The following CACNA1E variants were observed in gnomAD, a reference collection of about 807,000 sequenced individuals.
The protein encoded by CACNA1E is calcium voltage-gated channel subunit alpha1 E, also known as voltage-dependent R-type calcium channel subunit alpha-1E.
In CACNA1E, 40 loss-of-function variants were observed where a neutral mutation model predicts 259.2. That is an observed-to-expected ratio of 0.15 (90% CI 0.12 to 0.20). CACNA1E has a LOEUF of 0.20. CACNA1E is among the 10% of genes least tolerant of loss of function. The pLI, the probability that CACNA1E is intolerant of heterozygous loss-of-function variation, is 1.00. For synonymous variants in CACNA1E, 1,104 were observed against 1,138.5 expected (o/e 0.97, Z 0.61); for missense variants, 1,874 against 3,040.1 (o/e 0.62, Z 9.02).
At chr1:181,693,997 G>A (rs553696429) in intron 7 of CACNA1E, among the ~76,000 whole-genome samples, 1 of 152,210 alleles carries the variant, frequency 6.6e-6, no homozygotes, top group East Asian at 1.9e-4. Context: ...TATGAGGCAA[G>A]GGGAAAAACA....
At chr1:181,428,868 T>G (rs1294491597) in intron 2 of CACNA1E, among the ~76,000 whole-genome samples, 2 of 152,118 alleles carry the variant, frequency 1.3e-5, no homozygotes, top group African/African-American at 4.8e-5. Context: ...CAGGCTCACA[T>G]AGGGTTGCTC....
intron 6 of CACNA1E, among the ~76,000 whole-genome samples, chr1:181,644,890 A>G (rs1447454566): frequency 2.6e-5 from 4 of 152,320 alleles, no homozygotes; most frequent in Non-Finnish European, 2.9e-5. Flanking sequence ...GCCCCCCATC[A>G]TCACCAGCAG....
chr1:181,399,327 T>C (rs1271552863), intron 1 of CACNA1E, among the ~76,000 whole-genome samples: 1 of 152,182 alleles, frequency 6.6e-6, no homozygotes, highest in African/African-American at 2.4e-5. Flanking sequence ...CGTAGAGCTA[T>C]TCTGACAGGA....
chr1:181,664,126 T>C (rs1647961964), intron 7 of CACNA1E, among the ~76,000 whole-genome samples: 1 of 152,230 alleles, frequency 6.6e-6, no homozygotes, highest in African/African-American at 2.4e-5. Context: ...AACAAGGAGA[T>C]TGCAGCTCGA....
chr1:181,720,147 G>C, intron 13 of CACNA1E, 59 bp from the exon 14 acceptor site: 1 of 1,602,996 alleles, frequency 6.2e-7, no homozygotes, highest in Non-Finnish European at 8.5e-7. Context: ...GCTGAGCTGG[G>C]CTTGGTGGGT....
intron 1 of CACNA1E, among the ~76,000 whole-genome samples, chr1:181,365,509 A>G (rs4651102): frequency 0.31 from 46,813 of 152,170 alleles, 7,433 homozygotes; most frequent in South Asian, 0.46. Flanking sequence ...ATTCGGAGAC[A>G]GTTGGGTAAA....
chr1:181,777,668 T>C (rs575593347), intron 38 of CACNA1E, among the ~76,000 whole-genome samples: 3 of 152,376 alleles, frequency 2.0e-5, no homozygotes, highest in East Asian at 3.9e-4. Flanking sequence ...TGGGCTTCTT[T>C]ACCTGTAAAA....
At chr1:181,742,089 C>A (rs1435338352) in intron 25 of CACNA1E, among the ~76,000 whole-genome samples, 1 of 152,212 alleles carries the variant, frequency 6.6e-6, no homozygotes, top group African/African-American at 2.4e-5. Context: ...TCCCACTCCC[C>A]CTCCTTTGGC....
chr1:181,517,512 C>G (rs959683231), intron 3 of CACNA1E, among the ~76,000 whole-genome samples: 1 of 151,950 alleles, frequency 6.6e-6, no homozygotes, highest in South Asian at 2.1e-4. Flanking sequence ...CTTTTTTACC[C>G]TGGAATCAAC....
chr1:181,783,341 C>A (rs565316980), intron 39 of CACNA1E, among the ~76,000 whole-genome samples: 1 of 152,328 alleles, frequency 6.6e-6, no homozygotes, highest in African/African-American at 2.4e-5. Context: ...CCTTGAGCCA[C>A]TTCTTTTAGA....
In CACNA1E at chr1:181,795,420, C is replaced by T. The variant is rs1414217660; in HGVS notation, c.6208+376C>T. Among the ~76,000 whole-genome samples, 7 of 150,218 alleles carry T rather than the reference C, an allele frequency of 4.7e-5. No homozygotes were observed. In the South Asian group the frequency reaches 1.3e-3, roughly 27 times the overall value. On this transcript the variant is annotated intron_variant, in intron 46 of 47. Transcript: ENST00000367573. ...TTCCACTTCAACCTAAACAGTGCTA[C>T]CTGGAGTTATTTCCTGTGTTTGAAT...
chr1:181,370,967 G>T lies in CACNA1E; in HGVS notation c.-14-42166G>T, dbSNP rs981007560. 6.6e-5 allele frequency among the ~76,000 whole-genome samples: 10 copies of T among 152,108 alleles called. No homozygotes were observed. In the East Asian group the frequency reaches 1.7e-3, roughly 26 times the overall value. ...TTGACTTTTTAATAATAACCATTCTGATTGGTGTGAGATGGTATCTCATTG... is the reference window on the plus strand; with the variant it reads ...TTGACTTTTTAATAATAACCATTCTTATTGGTGTGAGATGGTATCTCATTG... On this transcript the variant is annotated intron_variant, in intron 1 of 11. Coordinates refer to the CACNA1E transcript ENST00000524607.
intron 1 of CACNA1E, among the ~76,000 whole-genome samples, chr1:181,326,156 A>G (rs1650777049): frequency 6.6e-6 from 1 of 152,212 alleles, no homozygotes; most frequent in Non-Finnish European, 1.5e-5. Context: ...GAAACTAGTT[A>G]TATTGTATGT....
At chr1:181,349,589 A>G (rs1159025708) in intron 1 of CACNA1E, among the ~76,000 whole-genome samples, 1 of 152,166 alleles carries the variant, frequency 6.6e-6, no homozygotes, top group South Asian at 2.1e-4. Context: ...GAGGGCTGCC[A>G]GGGTGGGAGT....
At chr1:181,555,155 TTTTAACAGAA>T (rs1214860501) in intron 3 of CACNA1E, among the ~76,000 whole-genome samples, 20 of 152,358 alleles carry the variant, frequency 1.3e-4, no homozygotes, top group African/African-American at 4.3e-4. Flanking sequence ...CAAGTTTCAC[TTTTAACAGAA>T]TTTATCCTCC....
At chr1:181,509,377 C>T (rs1255319676) in intron 1 of CACNA1E, among the ~76,000 whole-genome samples, 1 of 152,198 alleles carries the variant, frequency 6.6e-6, no homozygotes. Flanking sequence ...CTGCACCCTA[C>T]ACAGCCTGTC....
At chr1:181,450,422 TTGTGTGTGTG>T (rs58472519) in intron 2 of CACNA1E, among the ~76,000 whole-genome samples, 2 of 150,504 alleles carry the variant, frequency 1.3e-5, no homozygotes, top group Admixed American at 6.6e-5. Context: ...TGAAGGGGGA[TTGTGTGTGTG>T]TGTGTGTGTG....
chr1:181,777,127 T>C (rs1358273325), intron 38 of CACNA1E, among the ~76,000 whole-genome samples: 1 of 152,228 alleles, frequency 6.6e-6, no homozygotes, highest in Non-Finnish European at 1.5e-5. Flanking sequence ...GCCAGAAACA[T>C]TTGCTAATCC....
At chr1:181,509,368 T>C (rs1665979730) in intron 1 of CACNA1E, among the ~76,000 whole-genome samples, 1 of 152,164 alleles carries the variant, frequency 6.6e-6, no homozygotes, top group Admixed American at 6.5e-5. Context: ...TTCCAGGCCC[T>C]GCACCCTACA....
Sources: gnomAD v4.1 joint callset for allele counts (sites outside exome capture counted in the v4.1 genomes callset) on GRCh38, gnomAD v4.1.1 for gene constraint, MANE v1.5 for transcripts, NCBI Gene and HGNC (gene_info 2026-07-23, HGNC 2026-07-21) for gene names.